FHIP1A: variants seen among roughly 807,000 people sequenced by gnomAD.
FHIP1A encodes the protein FHF complex subunit HOOK interacting protein 1A.
Under a neutral mutation model 88.6 loss-of-function variants are expected in FHIP1A, and 61 were observed. The ratio of observed to expected loss-of-function variants is 0.69; its 90% CI spans 0.56 to 0.85. The LOEUF (loss-of-function observed/expected upper bound fraction) is 0.85. Ranked by LOEUF, FHIP1A falls within the 40% of genes least tolerant of loss-of-function variation. FHIP1A has a pLI of 0.00. For synonymous variants in FHIP1A, 478 were observed against 496.0 expected, an observed-to-expected ratio of 0.96 and a Z score of 0.48; for missense variants, 1,154 against 1,273.5, an observed-to-expected ratio of 0.91 and a Z score of 1.43.
At chr4:151,496,583 C>T (rs1049046126) in intron 3 of FHIP1A, among the ~76,000 whole-genome samples, 1 of 152,128 alleles carries the variant, frequency 6.6e-6, no homozygotes, top group Non-Finnish European at 1.5e-5. Context: ...GAGTCTCACT[C>T]TATCACTCAG....
chr4:151,447,595 C>T (rs1253281645), intron 1 of FHIP1A, among the ~76,000 whole-genome samples: 1 of 152,104 alleles, frequency 6.6e-6, no homozygotes, highest in Admixed American at 6.5e-5. Context: ...GTGAAATATA[C>T]ATTTTATGGG....
At chr4:151,470,301 G>T (rs1257585215) in intron 2 of FHIP1A, among the ~76,000 whole-genome samples, 2 of 152,210 alleles carry the variant, frequency 1.3e-5, no homozygotes, top group Non-Finnish European at 2.9e-5. Flanking sequence ...ATAAACAGAT[G>T]CTGTGTGTTA....
intron 1 of FHIP1A, chr4:151,436,343 A>G (rs1197245775): frequency 6.6e-6 from 1 of 152,176 alleles, no homozygotes; most frequent in African/African-American, 2.4e-5. Flanking sequence ...ACTCAGTACC[A>G]AAATAGTTCT....
At chr4:151,572,991 C>G (rs1164181031) in intron 4 of FHIP1A, among the ~76,000 whole-genome samples, 2 of 152,014 alleles carry the variant, frequency 1.3e-5, no homozygotes, top group East Asian at 1.9e-4. Context: ...AAATTCAGGC[C>G]AATTATCATT....
At chr4:151,431,288 C>G (rs1308485580) in intron 1 of FHIP1A, among the ~76,000 whole-genome samples, 1 of 152,072 alleles carries the variant, frequency 6.6e-6, no homozygotes, top group African/African-American at 2.4e-5. Flanking sequence ...TCCTTGTGAG[C>G]CCTGGCCCGC....
chr4:151,494,859 A>G (rs1025558924), intron 3 of FHIP1A, among the ~76,000 whole-genome samples: 3 of 152,130 alleles, frequency 2.0e-5, no homozygotes, highest in East Asian at 3.9e-4. Flanking sequence ...GAAATTTACA[A>G]TGACGATTTT....
chr4:151,521,262 G>A (rs976606987), intron 3 of FHIP1A, among the ~76,000 whole-genome samples: 2 of 152,166 alleles, frequency 1.3e-5, no homozygotes, highest in African/African-American at 4.8e-5. Context: ...TATTTTAAGT[G>A]TTTGTGATTC....
At chr4:151,556,777 T>C (rs1732961851) in intron 3 of FHIP1A, among the ~76,000 whole-genome samples, 1 of 152,196 alleles carries the variant, frequency 6.6e-6, no homozygotes, top group Non-Finnish European at 1.5e-5. Flanking sequence ...TCAGGAATTA[T>C]AGATGTATAC....
intron 3 of FHIP1A, among the ~76,000 whole-genome samples, chr4:151,525,191 C>T (rs1228920134): frequency 1.3e-5 from 2 of 152,108 alleles, no homozygotes; most frequent in African/African-American, 4.8e-5. Flanking sequence ...CTCAGCTGGG[C>T]CTAAGGAAGA....
intron 7 of FHIP1A, among the ~76,000 whole-genome samples, chr4:151,590,883 T>TA (rs1560786837): frequency 6.6e-6 from 1 of 152,130 alleles, no homozygotes; most frequent in Non-Finnish European, 1.5e-5. Context: ...ATTATAAAAA[T>TA]AAAAAAGAGT....
intron 3 of FHIP1A, among the ~76,000 whole-genome samples, chr4:151,545,471 G>A (rs564479957): frequency 8.6e-5 from 12 of 139,452 alleles, no homozygotes; most frequent in African/African-American, 2.7e-4. Context: ...TCTGCCTCCC[G>A]GGTTCAAGCA....
chr4:151,427,470 G>A (rs1733426085), intron 1 of FHIP1A, among the ~76,000 whole-genome samples: 1 of 152,028 alleles, frequency 6.6e-6, no homozygotes, highest in Non-Finnish European at 1.5e-5. Context: ...CTTTATGTTT[G>A]CGCTGAGCTG....
chr4:151,632,644 A>G (rs1168045715), intron 8 of FHIP1A, among the ~76,000 whole-genome samples: 1 of 152,092 alleles, frequency 6.6e-6, no homozygotes, highest in African/African-American at 2.4e-5. Flanking sequence ...ATTTTTTTCT[A>G]ACTGCAATGG....
chr4:151,429,067 G>A (rs1302949103), intron 1 of FHIP1A, among the ~76,000 whole-genome samples: 2 of 152,060 alleles, frequency 1.3e-5, no homozygotes, highest in Non-Finnish European at 2.9e-5. Flanking sequence ...CATGAAGGCA[G>A]GCAGTTCGCC....
chr4:151,599,086 C>G (rs1425259234), intron 7 of FHIP1A, among the ~76,000 whole-genome samples: 1 of 152,050 alleles, frequency 6.6e-6, no homozygotes, highest in Non-Finnish European at 1.5e-5. Context: ...GGATTGGAAG[C>G]CTATTTTGGA....
chr4:151,409,706 G>A (rs1384429143), intron 1 of FHIP1A, among the ~76,000 whole-genome samples: 1 of 152,082 alleles, frequency 6.6e-6, no homozygotes. Context: ...CGGGCTCCGG[G>A]ACGGGGCGTA....
intron 3 of FHIP1A, among the ~76,000 whole-genome samples, chr4:151,517,038 A>C (rs1731266404): frequency 6.6e-6 from 1 of 152,208 alleles, no homozygotes; most frequent in African/African-American, 2.4e-5. Context: ...AATAGCAAAG[A>C]CTTGGAACCA....
rs192258086 is a variant in FHIP1A at position 151,430,919 on chromosome 4, T to A, written c.-356+21454T>A. 4.9e-3 allele frequency among the ~76,000 whole-genome samples: 751 copies of A among 152,346 alleles called. 3 individuals carry two copies. The highest frequency in any genetic ancestry group is 0.01 in the Admixed American group (155 of 15,312). On this transcript the variant is annotated intron_variant, in intron 1 of 13. Transcript: ENST00000435205. ...TTATTCTAGTATTCTTGTTTGCACC[T>A]GAGCAACAGAGGTTTAGCTTTCATT... is the stretch of plus-strand genomic sequence containing the variant.
chr4:151,525,919 T>C (rs550197981), intron 3 of FHIP1A, among the ~76,000 whole-genome samples: 7 of 152,126 alleles, frequency 4.6e-5, no homozygotes, highest in African/African-American at 1.7e-4. Context: ...CCGCAGTGTT[T>C]GTGTCCCTGG....
Sources: allele counts gnomAD v4.1 joint callset (sites outside exome capture counted in the v4.1 genomes callset), GRCh38; gene constraint gnomAD v4.1.1; transcripts MANE v1.5; gene names NCBI Gene and HGNC (gene_info 2026-07-23, HGNC 2026-07-21).